GLMN: variants seen among roughly 807,000 people sequenced by gnomAD.
GLMN encodes the protein glomulin, FKBP associated protein, also known as glomulin.
A neutral mutation model predicts 87.8 loss-of-function variants in GLMN; 75 were observed. That is an observed-to-expected ratio of 0.85 (90% CI 0.71 to 1.04). The LOEUF (loss-of-function observed/expected upper bound fraction) is 1.04, where lower values mean the gene tolerates loss of function less well. Ranked by LOEUF, GLMN falls within the 50% of genes least tolerant of loss-of-function variation. The pLI, the probability that GLMN is intolerant of heterozygous loss-of-function variation, is 0.00. For missense variants in GLMN, 588 were observed against 658.8 expected (o/e 0.89, Z 1.18); for synonymous variants, 206 against 221.6 (o/e 0.93, Z 0.63).
At chr1:92,250,161 A>G (rs1253219248) in intron 16 of GLMN, among the ~76,000 whole-genome samples, 2 of 145,286 alleles carry the variant, frequency 1.4e-5, no homozygotes, top group Non-Finnish European at 2.9e-5. Context: ...TGACAAAAGG[A>G]AACCTTTGAC....
the GLMN span, among the ~76,000 whole-genome samples, chr1:92,347,888 C>T: frequency 2.6e-4 from 40 of 152,136 alleles, no homozygotes; most frequent in South Asian, 7.9e-3. Context: ...TAGTGTATCG[C>T]ATGTTTCATA....
intron 16 of GLMN, among the ~76,000 whole-genome samples, chr1:92,261,503 T>G (rs1417069750): frequency 6.6e-6 from 1 of 152,038 alleles, no homozygotes; most frequent in Admixed American, 6.6e-5. Flanking sequence ...TATACAGCAC[T>G]TGGGCAGAAT....
At chr1:92,334,690 T>C in the GLMN span, among the ~76,000 whole-genome samples, 4 of 151,324 alleles carry the variant, frequency 2.6e-5, no homozygotes, top group African/African-American at 9.7e-5. Flanking sequence ...TCTACAAAAA[T>C]AAAAATAAAA....
chr1:92,297,928 A>G (rs1363883303), intron 2 of GLMN, 33 bp downstream of exon 2: 2 of 988,228 alleles, frequency 2.0e-6, no homozygotes, highest in African/African-American at 3.2e-5. Context: ...CATATTTTGA[A>G]AGGTATTTAA....
chr1:92,320,514 G>A, the GLMN span: 50 of 1,048,996 alleles, frequency 4.8e-5, no homozygotes, highest in Non-Finnish European at 6.9e-5. Flanking sequence ...CTCGAGATCC[G>A]CCTGCCCAGC....
chr1:92,265,392 T>C (rs1016081443), intron 13 of GLMN, among the ~76,000 whole-genome samples: 1 of 150,326 alleles, frequency 6.7e-6, no homozygotes, highest in African/African-American at 2.5e-5. Context: ...GAGATACACA[T>C]AGAACAGAAC....
At chr1:92,362,470 T>A in the GLMN span, among the ~76,000 whole-genome samples, 2 of 152,208 alleles carry the variant, frequency 1.3e-5, no homozygotes, top group Non-Finnish European at 2.9e-5. Flanking sequence ...ATTGGCTGTT[T>A]GTGTTGTCCC....
intron 3 of GLMN, among the ~76,000 whole-genome samples, chr1:92,292,608 A>G (rs1156278252): frequency 2.2e-5 from 3 of 133,786 alleles, no homozygotes; most frequent in Non-Finnish European, 4.8e-5. Context: ...TTTTTTTAGT[A>G]GAGATGGGGT....
the GLMN span, chr1:92,323,747 A>T: frequency 2.5e-6 from 4 of 1,614,140 alleles, no homozygotes; most frequent in Non-Finnish European, 3.4e-6. Flanking sequence ...CAGTTAGGCG[A>T]TTGCAAATTA....
At chr1:92,286,251 G>A (rs1283231998) in intron 7 of GLMN, among the ~76,000 whole-genome samples, 1 of 149,794 alleles carries the variant, frequency 6.7e-6, no homozygotes, top group African/African-American at 2.4e-5. Flanking sequence ...TAAAATCTTT[G>A]AAAAATTTAT....
chr1:92,347,176 AT>A, the GLMN span, among the ~76,000 whole-genome samples: 5 of 152,194 alleles, frequency 3.3e-5, no homozygotes, highest in Non-Finnish European at 5.9e-5. Context: ...CCTGATATAA[AT>A]TTTTTATCAA....
At chr1:92,343,583 G>T in the GLMN span, among the ~76,000 whole-genome samples, 1 of 152,018 alleles carries the variant, frequency 6.6e-6, no homozygotes, top group Admixed American at 6.6e-5. Flanking sequence ...TCTAAAATTT[G>T]ATTCAGGTAT....
the GLMN span, among the ~76,000 whole-genome samples, chr1:92,345,552 TAATC>T: frequency 2.5e-3 from 383 of 152,076 alleles, 3 homozygotes; most frequent in South Asian, 9.2e-3. Flanking sequence ...ATGTGTGTTT[TAATC>T]AAGCAATTTA....
the GLMN span, among the ~76,000 whole-genome samples, chr1:92,352,096 C>G: frequency 1.3e-5 from 2 of 152,124 alleles, no homozygotes; most frequent in African/African-American, 4.8e-5. Flanking sequence ...CCTTGATGTT[C>G]TCTAATGGAA....
chr1:92,356,585 A>ATT, the GLMN span, among the ~76,000 whole-genome samples: 23 of 51,730 alleles, frequency 4.4e-4, 1 homozygote, highest in East Asian at 5.3e-3. Context: ...CTCCTGGCTA[A>ATT]TTTTTTTTTT....
At chr1:92,256,289 ACCAGACAGATT>A (rs1182662743) in intron 16 of GLMN, among the ~76,000 whole-genome samples, 5 of 152,088 alleles carry the variant, frequency 3.3e-5, no homozygotes, top group African/African-American at 1.2e-4. Flanking sequence ...AAAGCCCAGG[ACCAGACAGATT>A]CACAGCCGCA....
At chr1:92,334,316 C>A in the GLMN span, among the ~76,000 whole-genome samples, 3 of 151,916 alleles carry the variant, frequency 2.0e-5, no homozygotes, top group Non-Finnish European at 4.4e-5. Context: ...CAAAGTTAGA[C>A]CTTTTTTGGT....
At chr1:92,328,675 C>A in the GLMN span, among the ~76,000 whole-genome samples, 1 of 152,122 alleles carries the variant, frequency 6.6e-6, no homozygotes, top group South Asian at 2.1e-4. Context: ...TGGTTTGGAT[C>A]CATTGCTGGT....
intron 9 of GLMN, 21 bp from the exon 10 acceptor site, chr1:92,268,156 T>C: frequency 8.1e-7 from 1 of 1,230,934 alleles, no homozygotes; most frequent in Non-Finnish European, 1.2e-6. Context: ...ATATTAAAAT[T>C]TATCATGAAT....
Sources: gnomAD v4.1 joint callset for allele counts (sites outside exome capture counted in the v4.1 genomes callset) on GRCh38, gnomAD v4.1.1 for gene constraint, MANE v1.5 for transcripts, NCBI Gene and HGNC (gene_info 2026-07-23, HGNC 2026-07-21) for gene names.